Variants in TRPC4AP observed in about 807,000 individuals in gnomAD.
TRPC4AP encodes the protein transient receptor potential cation channel subfamily C member 4 associated protein.
In TRPC4AP, 45 loss-of-function variants were observed where a neutral mutation model predicts 99.0. The ratio of observed to expected loss-of-function variants is 0.45; its 90% confidence interval spans 0.36 to 0.58. The LOEUF (loss-of-function observed/expected upper bound fraction) is 0.58. Ranked by LOEUF, TRPC4AP falls within the 20% of genes least tolerant of loss-of-function variation. The pLI is 0.00. For synonymous variants in TRPC4AP, 408 were observed against 385.8 expected (o/e 1.06, Z -0.67); for missense variants, 879 against 985.3 (o/e 0.89, Z 1.44).
At chr20:35,073,006 G>C (rs1600645392) in intron 2 of TRPC4AP, among the ~76,000 whole-genome samples, 1 of 152,170 alleles carries the variant, frequency 6.6e-6, no homozygotes, top group Non-Finnish European at 1.5e-5. Flanking sequence ...CACATCCCTT[G>C]TGAGTTGGAT....
intron 7 of TRPC4AP, among the ~76,000 whole-genome samples, chr20:35,036,582 T>C (rs776154499): frequency 1.6e-4 from 24 of 152,210 alleles, no homozygotes; most frequent in Non-Finnish European, 3.2e-4. Flanking sequence ...GGTGAAATTA[T>C]ACGATGTCTG....
chr20:35,048,786 T>C (rs1009773759), intron 6 of TRPC4AP, among the ~76,000 whole-genome samples: 2 of 151,918 alleles, frequency 1.3e-5, no homozygotes, highest in Non-Finnish European at 2.9e-5. Flanking sequence ...GAGTCTGGAG[T>C]TTCCACTCTG....
At chr20:35,092,046 G>A (rs1374065746) in intron 1 of TRPC4AP, among the ~76,000 whole-genome samples, 2 of 152,154 alleles carry the variant, frequency 1.3e-5, no homozygotes, top group East Asian at 3.9e-4. Flanking sequence ...TGGGAGACGG[G>A]CGAGAAAAAG....
At chr20:35,059,654 T>C (rs2083928206) in intron 3 of TRPC4AP, among the ~76,000 whole-genome samples, 1 of 148,966 alleles carries the variant, frequency 6.7e-6, no homozygotes, top group African/African-American at 2.5e-5. Context: ...TGAGACTCCA[T>C]CTCTTTAAAA....
At chr20:35,092,282 C>T (rs1045701345) in intron 1 of TRPC4AP, among the ~76,000 whole-genome samples, 2 of 152,128 alleles carry the variant, frequency 1.3e-5, no homozygotes, top group African/African-American at 4.8e-5. Context: ...ACTCGAGGCC[C>T]ACAGAGGCTA....
In TRPC4AP at chr20:35,043,188, T is replaced by C. The variant is rs990027074; in HGVS notation, c.865+1317A>G. ...ATATTGAATACACTAAGCAGTCCAG[T>C]GTTAATGAACATCTGGGTTTCTAGT... On this transcript the variant is annotated intron_variant, in intron 7 of 18. Coordinates refer to ENST00000252015, the MANE Select transcript of TRPC4AP (RefSeq NM_015638.3). 1.1e-4 allele frequency among the ~76,000 whole-genome samples: 16 copies of C among 152,148 alleles called. 1 individual carries two copies. The highest frequency in any genetic ancestry group is 5.9e-5 in the Non-Finnish European group (4 of 68,032).
At chr20:35,007,927 A>G (rs1010310883) in intron 13 of TRPC4AP, among the ~76,000 whole-genome samples, 6 of 152,224 alleles carry the variant, frequency 3.9e-5, no homozygotes, top group Admixed American at 3.9e-4. Context: ...AGCCCCCGTG[A>G]AACATACTCT....
chr20:35,005,178 G>A (rs887810205), intron 16 of TRPC4AP, among the ~76,000 whole-genome samples: 6 of 152,160 alleles, frequency 3.9e-5, no homozygotes, highest in African/African-American at 7.2e-5. Context: ...ACCAACAACC[G>A]GGATACTTCT....
At chr20:35,074,394 CTT>C (rs748701664) in intron 2 of TRPC4AP, among the ~76,000 whole-genome samples, 22 of 152,290 alleles carry the variant, frequency 1.4e-4, no homozygotes, top group Non-Finnish European at 2.2e-4. Context: ...CCGGCTTTCT[CTT>C]GTGTGCATTT....
chr20:35,059,835 CAAAG>C (rs752457643), intron 3 of TRPC4AP, among the ~76,000 whole-genome samples: 2 of 150,228 alleles, frequency 1.3e-5, no homozygotes, highest in African/African-American at 4.9e-5. Context: ...AAGATGAAGA[CAAAG>C]AAGACGAAGA....
At chr20:35,019,741 C>T (rs536074027) in intron 9 of TRPC4AP, among the ~76,000 whole-genome samples, 28 of 152,140 alleles carry the variant, frequency 1.8e-4, no homozygotes, top group Non-Finnish European at 3.7e-4. Flanking sequence ...TTATTAAAAA[C>T]ATGTTCCGTA....
At chr20:35,088,383 G>C (rs2084945916) in intron 1 of TRPC4AP, among the ~76,000 whole-genome samples, 1 of 152,168 alleles carries the variant, frequency 6.6e-6, no homozygotes, top group Non-Finnish European at 1.5e-5. Context: ...GAGATTGCTT[G>C]GCAAGTACAG....
At chr20:35,076,219 C>T (rs1427427425) in intron 2 of TRPC4AP, among the ~76,000 whole-genome samples, 6 of 142,090 alleles carry the variant, frequency 4.2e-5, no homozygotes, top group Admixed American at 7.3e-5. Context: ...TCCTTTAGCT[C>T]GGAGAAGTTT....
chr20:35,079,424 A>G (rs917421133), intron 1 of TRPC4AP, among the ~76,000 whole-genome samples: 1 of 152,210 alleles, frequency 6.6e-6, no homozygotes, highest in Non-Finnish European at 1.5e-5. Context: ...CTGAATGCAT[A>G]TAATAGAAAA....
At chr20:35,074,716 C>T (rs558809324) in intron 2 of TRPC4AP, among the ~76,000 whole-genome samples, 34 of 152,074 alleles carry the variant, frequency 2.2e-4, no homozygotes, top group African/African-American at 6.8e-4. Flanking sequence ...GGAATAAGTG[C>T]GACGTGGCGC....
intron 9 of TRPC4AP, among the ~76,000 whole-genome samples, chr20:35,018,834 G>T (rs1424284864): frequency 6.6e-6 from 1 of 152,124 alleles, no homozygotes. Context: ...ACAGCCCTGG[G>T]TTCACAAGAT....
At chr20:35,031,390 CTTTTTTTTT>C (rs71299218) in intron 8 of TRPC4AP, among the ~76,000 whole-genome samples, 19 of 73,654 alleles carry the variant, frequency 2.6e-4, no homozygotes, top group South Asian at 4.7e-4. Flanking sequence ...CCCTGGTTAA[CTTTTTTTTT>C]TTTTTTTTTT....
intron 6 of TRPC4AP, among the ~76,000 whole-genome samples, chr20:35,047,746 C>T (rs1249483605): frequency 6.6e-6 from 1 of 152,176 alleles, no homozygotes; most frequent in Non-Finnish European, 1.5e-5. Flanking sequence ...ATCTTTTCTA[C>T]TTGGCTGGTA....
intron 2 of TRPC4AP, among the ~76,000 whole-genome samples, chr20:35,076,174 G>A (rs2084474546): frequency 6.6e-6 from 1 of 152,092 alleles, no homozygotes; most frequent in Non-Finnish European, 1.5e-5. Context: ...CTTTTGTCAA[G>A]GTTTTTAGCT....
Sources: allele counts gnomAD v4.1 joint callset (sites outside exome capture counted in the v4.1 genomes callset), GRCh38; gene constraint gnomAD v4.1.1; transcripts MANE v1.5; gene names NCBI Gene and HGNC (gene_info 2026-07-23, HGNC 2026-07-21).